Variants in WDR20 observed in about 807,000 individuals in gnomAD.
WDR20 encodes the protein WD repeat-containing protein 20.
A neutral mutation model predicts 38.7 loss-of-function variants in WDR20; 3 were observed. The observed-to-expected ratio is 0.08, with a 90% CI of 0.04 to 0.20. The LOEUF (loss-of-function observed/expected upper bound fraction) is 0.20. WDR20 is among the 10% of genes least tolerant of loss of function. The pLI is 1.00. For synonymous variants in WDR20, 298 were observed against 285.6 expected, an observed-to-expected ratio of 1.04 and a Z score of -0.44; for missense variants, 559 against 727.7, an observed-to-expected ratio of 0.77 and a Z score of 2.67.
chr14:102,218,371 C>T (rs991924905), downstream of WDR20, among the ~76,000 whole-genome samples: 9 of 152,152 alleles, frequency 5.9e-5, no homozygotes, highest in Admixed American at 3.9e-4. Context: ...AGGGGAAGCC[C>T]TCCCAGAACC....
rs146164306 is a variant in WDR20, at chr14:102,206,729, T to G, written c.433-1874T>G. 3.3e-3 allele frequency among the ~76,000 whole-genome samples: 504 copies of G among 152,324 alleles called. 4 individuals are homozygous for G. The highest frequency in any genetic ancestry group is 0.011 in the African/African-American group (469 of 41,566). ...GCGAGCTGCAGACACCCTTAGGCCCTGGGCGATCAGGTACAGTTGTGTTTG... is the reference window on the plus strand; with the variant it reads ...GCGAGCTGCAGACACCCTTAGGCCCGGGGCGATCAGGTACAGTTGTGTTTG... On this transcript the variant is annotated intron_variant, in intron 2 of 2. Transcript: ENST00000342702.
downstream of WDR20, among the ~76,000 whole-genome samples, chr14:102,219,252 T>A (rs949852950): frequency 5.3e-5 from 8 of 152,238 alleles, no homozygotes; most frequent in African/African-American, 1.9e-4. Context: ...GAATGGCGCT[T>A]TTTCCTCCTG....
downstream of WDR20, chr14:102,212,619 A>C (rs2062693022): frequency 6.5e-7 from 1 of 1,534,768 alleles, no homozygotes; most frequent in Admixed American, 2.0e-5. Flanking sequence ...CACTGGAGAG[A>C]GGGGCAGGGA....
At chr14:102,153,531 T>C (rs1006466615) in intron 1 of WDR20, among the ~76,000 whole-genome samples, 2 of 151,764 alleles carry the variant, frequency 1.3e-5, no homozygotes, top group Non-Finnish European at 2.9e-5. Context: ...TGGTCTCGAT[T>C]TCCTAACCTC....
At position 102,222,969 on chromosome 14, in the gene WDR20, C is replaced by A; in HGVS notation, c.*86C>A. ...AGCTCCGAGCTGCGCCTGAGCCGTG[C>A]CAGCCGGCGGACCTCAGGCGGTGGA... On this transcript the variant is annotated 3_prime_UTR_variant, in exon 4 of 4. Coordinates refer to the WDR20 transcript ENST00000335263. The surrounding 1 kb of genome is among the most constrained non-coding windows in gnomAD (Gnocchi z 4.4). The A allele has an allele frequency of 6.4e-7, 1 of 1,551,998 alleles. No homozygotes were observed. The highest frequency in any genetic ancestry group is 8.9e-7 in the Non-Finnish European group (1 of 1,128,504).
In WDR20 at chr14:102,207,772, G is replaced by A. The variant is rs769620702; in HGVS notation, c.433-831G>A. On this transcript the variant is annotated intron_variant, in intron 2 of 2. Coordinates refer to ENST00000342702, the MANE Select transcript of WDR20 (RefSeq NM_144574.4). The surrounding 1 kb of genome is among the most constrained non-coding windows in gnomAD (Gnocchi z 5.0). ...GGAAAGAGACTTGTGCCTTTGGTGG[G>A]GCAGGTATTTTTGCCCTTCGTTATT... 9.9e-5 allele frequency among the ~76,000 whole-genome samples: 15 copies of A among 152,272 alleles called. No homozygotes were observed. Among genetic ancestry groups the A allele is most frequent in the Non-Finnish European group, 8.8e-5 (6 of 68,034 alleles).
chr14:102,139,739 C>G, upstream of WDR20: 1 of 890,454 alleles, frequency 1.1e-6, no homozygotes, highest in African/African-American at 1.7e-5. Context: ...GGTGAGCACG[C>G]CTGCGCAGTC....
chr14:102,214,223 A>C (rs562625809), downstream of WDR20: 1 of 985,426 alleles, frequency 1.0e-6, no homozygotes, highest in East Asian at 1.1e-4. Context: ...ATAGTCTACC[A>C]CCCTGGCAGC....
intron 1 of WDR20, chr14:102,191,105 G>C (rs1172937215): frequency 1.3e-5 from 2 of 152,176 alleles, no homozygotes; most frequent in Non-Finnish European, 1.5e-5. Flanking sequence ...TGTGTGCTCT[G>C]TGCTTTCTGT....
chr14:102,147,855 C>T (rs553123001), intron 1 of WDR20, among the ~76,000 whole-genome samples: 3 of 152,230 alleles, frequency 2.0e-5, no homozygotes, highest in South Asian at 4.1e-4. Context: ...CTCAGCCTCC[C>T]GAGTAACTGG....
At position 102,208,660 on chromosome 14, in the gene WDR20, CT is replaced by C; in HGVS notation, c.494del (p.Phe165SerfsTer2). 6.2e-7 allele frequency: 1 copy of C among 1,613,338 alleles called. No homozygotes were observed. Among genetic ancestry groups the C allele is most frequent in the Non-Finnish European group, 8.5e-7 (1 of 1,179,298 alleles). On this transcript the variant is annotated frameshift_variant, in exon 3 of 3. Coordinates refer to ENST00000342702, the MANE Select transcript of WDR20 (RefSeq NM_144574.4). LOFTEE classifies it high-confidence loss of function. The surrounding 1 kb of genome is among the most constrained non-coding windows in gnomAD (Gnocchi z 5.6). ...CVKWVPGSES[L>X]FLVAHSSGNM... ...CAAATGGGTTCCCGGTTCGGAAAGC[CT>C]TTTCCTAGTAGCCCACTCGAGTGGG...
intron 1 of WDR20, among the ~76,000 whole-genome samples, chr14:102,161,159 T>A (rs2058659529): frequency 1.2e-5 from 1 of 82,804 alleles, no homozygotes; most frequent in Non-Finnish European, 2.5e-5. Context: ...TTTTTTTTTT[T>A]TTTTTTTTTG....
chr14:102,214,551 T>A (rs572555656), downstream of WDR20: 1 of 985,470 alleles, frequency 1.0e-6, no homozygotes, highest in South Asian at 4.7e-5. Flanking sequence ...TGTCATAAAT[T>A]GCTATCCTTT....
At chr14:102,184,686 G>A (rs988001993) in intron 1 of WDR20, among the ~76,000 whole-genome samples, 14 of 152,120 alleles carry the variant, frequency 9.2e-5, no homozygotes, top group African/African-American at 3.1e-4. Flanking sequence ...CGCATGTTAC[G>A]CACTTTGTGA....
At chr14:102,164,087 A>G (rs756359158) in intron 1 of WDR20, among the ~76,000 whole-genome samples, 6 of 152,080 alleles carry the variant, frequency 3.9e-5, no homozygotes, top group Non-Finnish European at 8.8e-5. Context: ...GTATCTCACA[A>G]GTTGAGCTGG....
At chr14:102,161,244 G>A (rs1323635194) in intron 1 of WDR20, among the ~76,000 whole-genome samples, 12 of 138,600 alleles carry the variant, frequency 8.7e-5, no homozygotes, top group African/African-American at 3.3e-4. Context: ...TCCGCCTCCC[G>A]GGTTCAAGCA....
chr14:102,214,536 C>A, downstream of WDR20: 18 of 985,362 alleles, frequency 1.8e-5, no homozygotes, highest in Non-Finnish European at 2.2e-5. Context: ...GTTACACGAA[C>A]TTCGTGTCAT....
intron 1 of WDR20, among the ~76,000 whole-genome samples, chr14:102,190,655 C>T (rs972795522): frequency 6.6e-6 from 1 of 151,620 alleles, no homozygotes; most frequent in African/African-American, 2.4e-5. Context: ...GGGGCTGAAC[C>T]CTGGAGGGCA....
chr14:102,146,480 A>G (rs767226886), intron 1 of WDR20, among the ~76,000 whole-genome samples: 1 of 152,154 alleles, frequency 6.6e-6, no homozygotes, highest in Non-Finnish European at 1.5e-5. Flanking sequence ...CTTTATGTTC[A>G]TGATGCTGAG....
Sources: gnomAD v4.1 joint callset for allele counts (sites outside exome capture counted in the v4.1 genomes callset) on GRCh38, gnomAD v4.1.1 for gene constraint, Gnocchi (gnomAD v3.1) non-coding constraint, MANE v1.5 for transcripts, NCBI Gene and HGNC (gene_info 2026-07-23, HGNC 2026-07-21) for gene names.